MYH15: variants seen among roughly 807,000 people sequenced by gnomAD.
The protein encoded by MYH15 is myosin heavy chain 15, also known as myosin-15.
A neutral mutation model predicts 240.5 loss-of-function variants in MYH15; 227 were observed. That is an observed-to-expected ratio of 0.94 (90% CI 0.85 to 1.05). The LOEUF (loss-of-function observed/expected upper bound fraction) is 1.05. Ranked by LOEUF, MYH15 falls within the 50% of genes least tolerant of loss-of-function variation. MYH15 has a pLI of 0.00. For synonymous variants in MYH15, 785 were observed against 796.7 expected, an observed-to-expected ratio of 0.99 and a Z score of 0.25; for missense variants, 2,217 against 2,247.5, an observed-to-expected ratio of 0.99 and a Z score of 0.27.
chr3:108,455,414 G>C lies in MYH15; in HGVS notation c.2262+322C>G, dbSNP rs191577462. Among the ~76,000 whole-genome samples, 29 of 152,266 alleles carry C rather than the reference G, an allele frequency of 1.9e-4. 1 individual carries two copies. The highest frequency in any genetic ancestry group is 1.7e-3 in the Admixed American group (26 of 15,290). ...CACACAGACAAGCCATTAGCTCCAGGAAGCTGATTCACTTTTTCTAGCTCT... is the reference window on the plus strand; with the variant it reads ...CACACAGACAAGCCATTAGCTCCAGCAAGCTGATTCACTTTTTCTAGCTCT... On this transcript the variant is annotated intron_variant, in intron 20 of 40. Coordinates refer to ENST00000693548, the MANE Select transcript of MYH15 (RefSeq NM_014981.3).
At chr3:108,456,950 C>T (rs2083027057) in intron 18 of MYH15, 67 bp from the exon 19 acceptor site, 6 of 1,119,794 alleles carry the variant, frequency 5.4e-6, no homozygotes, top group Non-Finnish European at 8.0e-6. Flanking sequence ...GATTTTGAAC[C>T]AATTGCTGCA....
At chr3:108,535,710 G>T in the MYH15 span, among the ~76,000 whole-genome samples, 1 of 152,010 alleles carries the variant, frequency 6.6e-6, no homozygotes, top group African/African-American at 2.4e-5. Flanking sequence ...TTTTTGGGGG[G>T]TTTTGTACAC....
chr3:108,511,643 C>T (rs769788051), upstream of MYH15, among the ~76,000 whole-genome samples: 1 of 152,228 alleles, frequency 6.6e-6, no homozygotes, highest in Non-Finnish European at 1.5e-5. Context: ...TTCCTCTTCA[C>T]TCAAGCATGC....
intron 25 of MYH15, among the ~76,000 whole-genome samples, chr3:108,434,303 G>A (rs114525220): frequency 0.035 from 5,182 of 150,032 alleles, 120 homozygotes; most frequent in Admixed American, 0.069. Flanking sequence ...CTGCCTCAGC[G>A]TTCTGAGCAG....
chr3:108,503,945 T>C (rs1395209005), intron 2 of MYH15, among the ~76,000 whole-genome samples: 1 of 152,224 alleles, frequency 6.6e-6, no homozygotes, highest in Admixed American at 6.5e-5. Context: ...TATATCCATA[T>C]AATGGAATAC....
intron 4 of MYH15, 124 bp from the exon 5 acceptor site, chr3:108,499,606 T>C: frequency 1.1e-6 from 1 of 938,434 alleles, no homozygotes; most frequent in South Asian, 1.5e-5. Context: ...TTAGCATCAT[T>C]TATAGTTAGA....
intron 12 of MYH15, among the ~76,000 whole-genome samples, chr3:108,472,947 G>C (rs2083189218): frequency 6.6e-6 from 1 of 152,026 alleles, no homozygotes; most frequent in Non-Finnish European, 1.5e-5. Flanking sequence ...TTGGTTACTG[G>C]GGGGCAATAG....
At chr3:108,507,989 CTCTG>C (rs2083491201) in intron 1 of MYH15, among the ~76,000 whole-genome samples, 2 of 152,268 alleles carry the variant, frequency 1.3e-5, no homozygotes, top group African/African-American at 4.8e-5. Context: ...GTCTCTCTCC[CTCTG>C]TCTCTCTTTC....
intron 16 of MYH15, 144 bp from the exon 17 acceptor site, chr3:108,460,511 T>C: frequency 1.8e-6 from 1 of 551,070 alleles, no homozygotes; most frequent in Non-Finnish European, 3.1e-6. Context: ...AAAATATTTA[T>C]GTCTTTTATC....
intron 29 of MYH15, among the ~76,000 whole-genome samples, chr3:108,416,034 C>T (rs907979403): frequency 6.6e-6 from 1 of 152,156 alleles, no homozygotes; most frequent in Non-Finnish European, 1.5e-5. Context: ...GGATGCAATT[C>T]TATCTGCTTC....
At chr3:108,417,279 T>G (rs2082641969) in intron 28 of MYH15, among the ~76,000 whole-genome samples, 2 of 152,198 alleles carry the variant, frequency 1.3e-5, no homozygotes, top group Non-Finnish European at 2.9e-5. Flanking sequence ...CTAACCATTT[T>G]GCAGAGGAGG....
At chr3:108,521,160 C>A (rs2083615404) in intron 1 of MYH15, among the ~76,000 whole-genome samples, 1 of 151,938 alleles carries the variant, frequency 6.6e-6, no homozygotes, top group Non-Finnish European at 1.5e-5. Context: ...AGTGTCTTGT[C>A]TATCCAAGGA....
chr3:108,504,960 C>A (rs2083463666), intron 2 of MYH15, among the ~76,000 whole-genome samples: 1 of 152,172 alleles, frequency 6.6e-6, no homozygotes, highest in South Asian at 2.1e-4. Context: ...CTTTCTCCAA[C>A]TCTTAATCTT....
intron 7 of MYH15, among the ~76,000 whole-genome samples, chr3:108,495,213 G>T (rs2083381287): frequency 6.6e-6 from 1 of 152,172 alleles, no homozygotes. Context: ...ATATGGATTT[G>T]TTAAACTAGG....
rs771791262 is a variant in MYH15, at chr3:108,448,471, T to A, written c.2400-3576A>T. ...ATACCTATAGTTACATCAGATAAAA[T>A]ATATATAAGTCAAAAACTGTAACAA... is the stretch of plus-strand genomic sequence containing the variant. On this transcript the variant is annotated intron_variant, in intron 21 of 40. Transcript: ENST00000693548. Among the ~76,000 whole-genome samples the A allele has an allele frequency of 2.0e-5, 3 of 151,982 alleles. No homozygotes were observed. In the East Asian group the frequency reaches 5.8e-4, roughly 29 times the overall value.
At chr3:108,416,779 C>G (rs2082636990) in intron 29 of MYH15, 33 bp downstream of exon 29, 1 of 1,517,320 alleles carries the variant, frequency 6.6e-7, no homozygotes, top group East Asian at 2.3e-5. Flanking sequence ...AACACACAGT[C>G]AAGAAACTAG....
At position 108,466,227 on chromosome 3, in the gene MYH15, G is replaced by A. The variant is rs575636252; in HGVS notation, c.1555-1413C>T. ...AGAAGTCATTAAAAATAAGATATGC[G>A]TCAAATTTAGAGCTGAGTGCCAACT... On this transcript the variant is annotated intron_variant, in intron 14 of 40. Transcript: ENST00000693548. Among the ~76,000 whole-genome samples, 15 of 152,278 alleles carry A rather than the reference G, an allele frequency of 9.9e-5. No homozygotes were observed. The South Asian group carries it at 1.9e-3, about 19-fold the overall frequency.
Position 108,381,204 on chromosome 3 carries a change from A to T in MYH15, c.*341T>A, listed in dbSNP as rs2082340005. The T allele has an allele frequency of 2.9e-6, 1 of 341,186 alleles. No homozygotes were observed. Among genetic ancestry groups the T allele is most frequent in the Non-Finnish European group, 5.5e-6 (1 of 182,232 alleles). The allele number at this position is 341,186 out of a possible 1,614,324, so 21.1% of individuals were successfully genotyped here. ...CCCATGAAGCGTGACTGGTCTAAGG[A>T]CATCTTCTATGAGTCCTACCCATTA... On this transcript the variant is annotated 3_prime_UTR_variant, in exon 41 of 41. Transcript: ENST00000693548.
intron 9 of MYH15, among the ~76,000 whole-genome samples, chr3:108,491,413 A>G (rs1358833437): frequency 1.3e-5 from 2 of 151,978 alleles, no homozygotes; most frequent in African/African-American, 4.8e-5. Flanking sequence ...TGGCACTATC[A>G]TTCTCCTAAT....
Sources: allele counts gnomAD v4.1 joint callset (sites outside exome capture counted in the v4.1 genomes callset), GRCh38; gene constraint gnomAD v4.1.1; transcripts MANE v1.5; gene names NCBI Gene and HGNC (gene_info 2026-07-23, HGNC 2026-07-21).